The following ERBIN variants were observed in gnomAD, a reference collection of about 807,000 sequenced individuals.
ERBIN encodes the protein erbb2 interacting protein, also known as densin-180-like protein.
In ERBIN, 60 loss-of-function variants were observed where a neutral mutation model predicts 158.4. The ratio of observed to expected loss-of-function variants is 0.38; its 90% CI spans 0.31 to 0.47. The LOEUF is 0.47. ERBIN is among the 20% of genes least tolerant of loss of function. The pLI, the probability that ERBIN is intolerant of heterozygous loss-of-function variation, is 0.99. For synonymous variants in ERBIN, 594 were observed against 557.2 expected, an observed-to-expected ratio of 1.07 and a Z score of -0.93; for missense variants, 1,610 against 1,648.0, an observed-to-expected ratio of 0.98 and a Z score of 0.40.
At chr5:66,071,987 A>G (rs1017052775) in intron 21 of ERBIN, among the ~76,000 whole-genome samples, 182 bp from the exon 22 acceptor site, 3 of 152,158 alleles carry the variant, frequency 2.0e-5, no homozygotes, top group Non-Finnish European at 4.4e-5. Flanking sequence ...ATATCTTGCT[A>G]TGTACCTTTG....
intron 1 of ERBIN, among the ~76,000 whole-genome samples, chr5:65,942,476 C>T (rs1745174143): frequency 6.6e-6 from 1 of 152,172 alleles, no homozygotes; most frequent in Non-Finnish European, 1.5e-5. Flanking sequence ...TTGGCGGACG[C>T]CAGTTTGTTA....
intron 1 of ERBIN, among the ~76,000 whole-genome samples, chr5:65,969,843 T>G (rs188114121): frequency 4.4e-4 from 67 of 152,340 alleles, no homozygotes; most frequent in African/African-American, 1.6e-3. Flanking sequence ...TTCAAATATC[T>G]TAGCTTTTCA....
At chr5:66,069,303 G>A (rs1761320880) in intron 21 of ERBIN, among the ~76,000 whole-genome samples, 1 of 152,140 alleles carries the variant, frequency 6.6e-6, no homozygotes, top group Admixed American at 6.5e-5. Flanking sequence ...ATTCTTTGTA[G>A]TATGTTTTCT....
chr5:65,946,701 C>T (rs1305251719), intron 1 of ERBIN, among the ~76,000 whole-genome samples: 1 of 151,878 alleles, frequency 6.6e-6, no homozygotes, highest in Non-Finnish European at 1.5e-5. Flanking sequence ...AGAGTGTTTT[C>T]CATAGTGGTT....
chr5:65,929,461 A>T (rs957610772), intron 1 of ERBIN, among the ~76,000 whole-genome samples: 2 of 151,734 alleles, frequency 1.3e-5, no homozygotes, highest in African/African-American at 4.8e-5. Flanking sequence ...TTTCTTTTTT[A>T]TTTTTCGTAA....
chr5:66,053,355 C>T (rs754284656), intron 20 of ERBIN, 51 bp from the exon 21 acceptor site: 3 of 1,141,836 alleles, frequency 2.6e-6, no homozygotes, highest in Non-Finnish European at 3.6e-6. Flanking sequence ...TTCCCTGTTA[C>T]TAAGAAAACT....
intron 5 of ERBIN, among the ~76,000 whole-genome samples, chr5:66,012,471 T>C (rs2151104872): frequency 6.6e-6 from 1 of 151,066 alleles, no homozygotes; most frequent in African/African-American, 2.5e-5. Flanking sequence ...CTTCAAACTT[T>C]TGAAAACAAT....
intron 4 of ERBIN, among the ~76,000 whole-genome samples, chr5:66,006,722 A>G (rs1414557908): frequency 1.3e-5 from 2 of 152,126 alleles, no homozygotes. Context: ...ATCAAAAAGT[A>G]GGCAAAGCAT....
At chr5:66,055,447 T>C (rs1447998066) in intron 21 of ERBIN, among the ~76,000 whole-genome samples, 1 of 152,226 alleles carries the variant, frequency 6.6e-6, no homozygotes, top group African/African-American at 2.4e-5. Flanking sequence ...ATTCTTAACT[T>C]TTCTGAATTT....
chr5:65,946,750 C>A (rs879231399), intron 1 of ERBIN, among the ~76,000 whole-genome samples: 1 of 148,852 alleles, frequency 6.7e-6, no homozygotes, highest in East Asian at 2.0e-4. Flanking sequence ...TATGAGAGAT[C>A]TAGTTTTTCC....
chr5:65,949,011 G>T (rs111325059), intron 1 of ERBIN, among the ~76,000 whole-genome samples: 3 of 151,988 alleles, frequency 2.0e-5, no homozygotes, highest in African/African-American at 4.8e-5. Context: ...TGATCCATCC[G>T]CCTTGGCCTC....
intron 21 of ERBIN, among the ~76,000 whole-genome samples, chr5:66,064,405 G>T (rs1018786905): frequency 2.0e-5 from 3 of 152,070 alleles, no homozygotes; most frequent in Admixed American, 6.5e-5. Context: ...CAGTTACCTT[G>T]CTATACAAAT....
intron 5 of ERBIN, among the ~76,000 whole-genome samples, chr5:66,012,895 A>G (rs1238548239): frequency 6.6e-6 from 1 of 152,196 alleles, no homozygotes; most frequent in Non-Finnish European, 1.5e-5. Context: ...TCATTTGCTT[A>G]TTATAAAATC....
In ERBIN at chr5:65,953,893, T is replaced by G. The variant is rs555320394; in HGVS notation, c.-58+27087T>G. Among the ~76,000 whole-genome samples the G allele has an allele frequency of 2.0e-4, 31 of 152,350 alleles. No homozygotes were observed. The South Asian group carries it at 5.2e-3, about 25-fold the overall frequency. On this transcript the variant is annotated intron_variant, in intron 1 of 25. Transcript: ENST00000284037. ...TAGAACATTAATTTCGACATTCTTTTGTGCCTATGCATGAAATTAGACCCC... is the reference window on the plus strand; with the variant it reads ...TAGAACATTAATTTCGACATTCTTTGGTGCCTATGCATGAAATTAGACCCC...
intron 1 of ERBIN, among the ~76,000 whole-genome samples, chr5:65,979,151 G>C (rs922778334): frequency 6.6e-6 from 1 of 152,162 alleles, no homozygotes; most frequent in East Asian, 1.9e-4. Flanking sequence ...TTATAGTGGG[G>C]CGTGGTGGCT....
chr5:65,938,943 CTTG>C (rs975875614), intron 1 of ERBIN, among the ~76,000 whole-genome samples: 6 of 152,154 alleles, frequency 3.9e-5, no homozygotes, highest in African/African-American at 1.2e-4. Flanking sequence ...CCTCTTCAAC[CTTG>C]TTGTTCCTGA....
At chr5:66,004,137 T>G (rs1753309144) in intron 4 of ERBIN, among the ~76,000 whole-genome samples, 1 of 150,720 alleles carries the variant, frequency 6.6e-6, no homozygotes, top group African/African-American at 2.4e-5. Context: ...AGATGGGGTT[T>G]TGCCATGTTG....
rs944074749 is a variant in ERBIN at position 66,054,075 on chromosome 5, G to T, written c.2757G>T (p.Leu919Phe). 8 of 1,613,998 alleles carry T rather than the reference G, an allele frequency of 5.0e-6. No homozygotes were observed. Among genetic ancestry groups the T allele is most frequent in the Non-Finnish European group, 5.1e-6 (6 of 1,180,028 alleles). ...TCAGGAGCAAGTCTGCCACACTGTTGTATGATCAACCATTGCAGGTATTTA... is the reference window on the plus strand; with the variant it reads ...TCAGGAGCAAGTCTGCCACACTGTTTTATGATCAACCATTGCAGGTATTTA... ...NIVRSKSATLLYDQPLQVFTG... is the reference protein window; with the variant it reads ...NIVRSKSATLFYDQPLQVFTG... The change falls in exon 21 of 26, where the codon TTG becomes TTT. Residue 919 changes from leucine (L) to phenylalanine (F), a missense_variant. By Grantham distance (22) the Leu-to-Phe change is conservative. This residue lies in a region of ERBIN where 1,014 missense variants were observed against 936.1 expected (regional missense o/e 1.08). Transcript: ENST00000284037.
At position 66,021,398 on chromosome 5, in the gene ERBIN, C is replaced by T. The variant is rs773212181; in HGVS notation, c.597+13C>T. Reference sequence around the variant, plus strand: ...ATTCACGGAAGTGGTAAGTTCTCATCAGTCTCACTTTCCCTAAGTTCTTAT... The same window carrying T: ...ATTCACGGAAGTGGTAAGTTCTCATTAGTCTCACTTTCCCTAAGTTCTTAT... On this transcript the variant is annotated intron_variant, in intron 8 of 25. Coordinates refer to ENST00000284037, the MANE Select transcript of ERBIN (RefSeq NM_001253697.2). 6.4e-7 allele frequency: 1 copy of T among 1,558,286 alleles called. No individual in the cohort carries two copies. Among genetic ancestry groups the T allele is most frequent in the East Asian group, 2.3e-5 (1 of 43,772 alleles).
Sources: allele counts gnomAD v4.1 joint callset (sites outside exome capture counted in the v4.1 genomes callset), GRCh38; gene constraint gnomAD v4.1.1; regional missense constraint gnomAD v4.1.1; transcripts MANE v1.5; gene names NCBI Gene and HGNC (gene_info 2026-07-23, HGNC 2026-07-21).